ANO4: variants seen among roughly 807,000 people sequenced by gnomAD.
ANO4 encodes anoctamin 4, also known as anoctamin-4.
In ANO4, 69 loss-of-function variants were observed where a neutral mutation model predicts 141.9. The ratio of observed to expected loss-of-function variants is 0.49; its 90% CI spans 0.40 to 0.59. The LOEUF is 0.59. Ranked by LOEUF, ANO4 falls within the 20% of genes least tolerant of loss-of-function variation. The pLI is 0.00. For synonymous variants in ANO4, 350 were observed against 394.3 expected, an observed-to-expected ratio of 0.89 and a Z score of 1.33; for missense variants, 894 against 1,162.2, an observed-to-expected ratio of 0.77 and a Z score of 3.36.
chr12:100,848,150 A>C (rs2037672170), intron 1 of ANO4, among the ~76,000 whole-genome samples: 1 of 152,102 alleles, frequency 6.6e-6, no homozygotes, highest in South Asian at 2.1e-4. Context: ...CTTCCTGTAG[A>C]TTAGGACTTA....
chr12:100,974,763 C>G (rs775852343), intron 6 of ANO4, 82 bp from the exon 7 acceptor site: 31 of 1,451,328 alleles, frequency 2.1e-5, no homozygotes, highest in Non-Finnish European at 2.8e-5. Flanking sequence ...TATCTTCAAT[C>G]TCCTTTCCTT....
At chr12:100,755,080 A>G (rs1472418986) in intron 3 of ANO4, among the ~76,000 whole-genome samples, 1 of 152,214 alleles carries the variant, frequency 6.6e-6, no homozygotes, top group Non-Finnish European at 1.5e-5. Context: ...GTGTCCTTCT[A>G]TACCTGCAAA....
At chr12:101,124,986 A>C (rs1334684727) in intron 26 of ANO4, among the ~76,000 whole-genome samples, 2 of 152,160 alleles carry the variant, frequency 1.3e-5, no homozygotes, top group South Asian at 2.1e-4. Flanking sequence ...ATTTTAAAAG[A>C]GTTTCTTCTA....
At chr12:100,851,040 T>C (rs910397880) in intron 1 of ANO4, among the ~76,000 whole-genome samples, 1 of 152,184 alleles carries the variant, frequency 6.6e-6, no homozygotes, top group Non-Finnish European at 1.5e-5. Context: ...ATAACTTTTC[T>C]GTGAATGTTA....
chr12:100,874,400 C>T (rs1442136062), intron 1 of ANO4, among the ~76,000 whole-genome samples: 1 of 152,252 alleles, frequency 6.6e-6, no homozygotes, highest in Non-Finnish European at 1.5e-5. Flanking sequence ...GAGCTGATCC[C>T]TGTATAGCCA....
chr12:100,868,409 T>C (rs2038870121), intron 1 of ANO4, among the ~76,000 whole-genome samples: 1 of 152,178 alleles, frequency 6.6e-6, no homozygotes, highest in African/African-American at 2.4e-5. Context: ...AGGTGGTCCA[T>C]CTATTTTTGT....
chr12:100,733,444 T>A (rs2031470927), intron 1 of ANO4, among the ~76,000 whole-genome samples: 1 of 152,130 alleles, frequency 6.6e-6, no homozygotes. Context: ...TAGTCTATAG[T>A]CTGGGTCAGG....
chr12:100,826,512 C>T (rs1436282316), intron 1 of ANO4, among the ~76,000 whole-genome samples: 1 of 151,936 alleles, frequency 6.6e-6, no homozygotes, highest in Non-Finnish European at 1.5e-5. Context: ...TGGTCCATAC[C>T]AGCGTGTTGG....
rs150567440 is a variant in ANO4 at position 101,073,256 on chromosome 12, G to GTT, written c.1313-5936_1313-5935dup. ...ACTATGCAGCCATAAAAAAGGATGAGTTCATGTCCTTTACAAGGACATGGA... is the reference window on the plus strand; with the variant it reads ...ACTATGCAGCCATAAAAAAGGATGAGTTTTCATGTCCTTTACAAGGACATGGA... On this transcript the variant is annotated intron_variant, in intron 14 of 27. Transcript: ENST00000392977. 5.1e-3 allele frequency among the ~76,000 whole-genome samples: 777 copies of GTT among 152,220 alleles called. 7 individuals are homozygous for GTT. Among genetic ancestry groups the GTT allele is most frequent in the Middle Eastern group, 0.017 (5 of 294 alleles).
chr12:100,757,265 G>C (rs1321879326), intron 3 of ANO4, among the ~76,000 whole-genome samples: 1 of 152,112 alleles, frequency 6.6e-6, no homozygotes, highest in East Asian at 1.9e-4. Flanking sequence ...TGTCACCTTT[G>C]ACTGGACCAT....
rs770309712 is a variant in ANO4, at chr12:100,901,372, GC to G, written c.-140-271del. Among the ~76,000 whole-genome samples, 4 of 152,156 alleles carry G rather than the reference GC, an allele frequency of 2.6e-5. No homozygotes were observed. The East Asian group carries it at 7.7e-4, about 29-fold the overall frequency. On this transcript the variant is annotated intron_variant, in intron 1 of 27. Transcript: ENST00000392977. ...CAGATACCCCAACAGTAGTTCCTAA[GC>G]CCTACTGCTTTGGCAACAGCATGTC... is the stretch of plus-strand genomic sequence containing the variant.
chr12:100,784,971 T>C (rs1423454761), intron 3 of ANO4, among the ~76,000 whole-genome samples: 2 of 151,138 alleles, frequency 1.3e-5, no homozygotes, highest in Non-Finnish European at 1.5e-5. Context: ...TCTCTCTCTC[T>C]CTTTCTCTTT....
intron 1 of ANO4, among the ~76,000 whole-genome samples, chr12:100,858,168 AC>A (rs1385050173): frequency 6.6e-6 from 1 of 152,150 alleles, no homozygotes; most frequent in Non-Finnish European, 1.5e-5. Flanking sequence ...TGATTTCATC[AC>A]TGTGGGTACA....
Position 101,051,188 on chromosome 12 carries a change from A to G in ANO4, c.1312+2787A>G, listed in dbSNP as rs117718179. On this transcript the variant is annotated intron_variant, in intron 14 of 27. Coordinates refer to ENST00000392977, the MANE Select transcript of ANO4 (RefSeq NM_001286615.2). ...TTGTGTTTTATGTTATAGATGACAA[A>G]TAGGTTTTGTTTTATCCCCTTGCCA... Among the ~76,000 whole-genome samples, 1,334 of 152,240 alleles carry G rather than the reference A, an allele frequency of 8.8e-3. 5 individuals are homozygous for G. Among genetic ancestry groups the G allele is most frequent in the Non-Finnish European group, 0.015 (1,000 of 68,016 alleles).
At chr12:100,886,028 C>T (rs1243436199) in intron 1 of ANO4, among the ~76,000 whole-genome samples, 1 of 151,964 alleles carries the variant, frequency 6.6e-6, no homozygotes, top group East Asian at 1.9e-4. Context: ...TTATTCTTTC[C>T]CTCTCATTTA....
At chr12:101,003,893 T>A (rs1348724174) in intron 8 of ANO4, among the ~76,000 whole-genome samples, 1 of 152,090 alleles carries the variant, frequency 6.6e-6, no homozygotes, top group Non-Finnish European at 1.5e-5. Context: ...AGAAGAGAGA[T>A]CTCTGTAGGG....
intron 2 of ANO4, among the ~76,000 whole-genome samples, chr12:100,735,799 T>C (rs2031582434): frequency 6.6e-6 from 1 of 152,042 alleles, no homozygotes; most frequent in Non-Finnish European, 1.5e-5. Context: ...GATGTGTTGA[T>C]TTGATGTGCC....
At chr12:100,760,197 TG>T (rs1299676947) in intron 3 of ANO4, among the ~76,000 whole-genome samples, 2 of 152,254 alleles carry the variant, frequency 1.3e-5, no homozygotes, top group African/African-American at 2.4e-5. Context: ...GAAGGTCATT[TG>T]GAGTGACGTT....
intron 3 of ANO4, among the ~76,000 whole-genome samples, chr12:100,780,917 A>C (rs1252561402): frequency 6.6e-6 from 1 of 152,218 alleles, no homozygotes. Context: ...TTATTTAATA[A>C]AATTATCCTA....
Sources: allele counts gnomAD v4.1 joint callset (sites outside exome capture counted in the v4.1 genomes callset), GRCh38; gene constraint gnomAD v4.1.1; transcripts MANE v1.5; gene names NCBI Gene and HGNC (gene_info 2026-07-23, HGNC 2026-07-21).